ABCB5: variants seen among roughly 807,000 people sequenced by gnomAD.
The protein encoded by ABCB5 is ATP-binding cassette sub-family B member 5.
A neutral mutation model predicts 144.2 loss-of-function variants in ABCB5; 155 were observed. The observed-to-expected ratio is 1.08, with a 90% CI of 0.94 to 1.23. The LOEUF (loss-of-function observed/expected upper bound fraction) is 1.23, where lower values mean the gene tolerates loss of function less well. ABCB5 is among the 50% of genes most tolerant of loss of function. ABCB5 has a pLI of 0.00. For missense variants in ABCB5, 1,830 were observed against 1,520.8 expected, an observed-to-expected ratio of 1.20 and a Z score of -3.38; for synonymous variants, 610 against 528.6, an observed-to-expected ratio of 1.15 and a Z score of -2.11.
intron 5 of ABCB5, among the ~76,000 whole-genome samples, chr7:20,642,522 A>T (rs77414882): frequency 0.057 from 8,606 of 151,692 alleles, 342 homozygotes; most frequent in South Asian, 0.14. Flanking sequence ...TCCTAGAAAA[A>T]CCTATTTTTT....
chr7:20,624,589 G>C (rs1336878822), intron 2 of ABCB5, among the ~76,000 whole-genome samples: 2 of 152,168 alleles, frequency 1.3e-5, no homozygotes, highest in African/African-American at 2.4e-5. Flanking sequence ...GGGTTGGATG[G>C]GCCCTGAAAA....
chr7:20,653,016 AAATC>A (rs1422959874), intron 13 of ABCB5, among the ~76,000 whole-genome samples: 1 of 152,200 alleles, frequency 6.6e-6, no homozygotes, highest in Non-Finnish European at 1.5e-5. Context: ...TAGGCCAAAA[AAATC>A]ATTAAAGATT....
chr7:20,687,154 G>A (rs182801817), intron 16 of ABCB5, among the ~76,000 whole-genome samples: 57 of 152,294 alleles, frequency 3.7e-4, no homozygotes, highest in Non-Finnish European at 5.6e-4. Flanking sequence ...AGGCAAGAGT[G>A]GAGGAAACAC....
chr7:20,635,086 G>T (rs896188930), intron 5 of ABCB5, among the ~76,000 whole-genome samples: 1 of 152,020 alleles, frequency 6.6e-6, no homozygotes, highest in Non-Finnish European at 1.5e-5. Context: ...TGTATATGGT[G>T]AGAGATAAGG....
At position 20,642,802 on chromosome 7, in the gene ABCB5, T is replaced by A. The variant is rs537089426; in HGVS notation, c.315-382T>A. On this transcript the variant is annotated intron_variant, in intron 5 of 27. Coordinates refer to ENST00000404938, the MANE Select transcript of ABCB5 (RefSeq NM_001163941.2). ...CTTAAGTTGAATTTGGGGCTGACTA[T>A]GTATAGTTTTTAAGCTTTTTATCAA... Among the ~76,000 whole-genome samples the A allele has an allele frequency of 4.6e-5, 7 of 152,346 alleles. 1 individual carries two copies. The highest frequency in any genetic ancestry group is 4.1e-4 in the South Asian group (2 of 4,822).
intron 16 of ABCB5, among the ~76,000 whole-genome samples, chr7:20,690,999 A>G (rs1258011999): frequency 6.6e-6 from 1 of 152,048 alleles, no homozygotes; most frequent in Admixed American, 6.6e-5. Context: ...GAAACTGAAC[A>G]AAATATGTGA....
At chr7:20,704,299 C>A (rs1222316201) in intron 19 of ABCB5, among the ~76,000 whole-genome samples, 1 of 151,868 alleles carries the variant, frequency 6.6e-6, no homozygotes. Context: ...CTGGTCTCGA[C>A]CCCCTAGACT....
chr7:20,633,930 A>G (rs1201751458), intron 5 of ABCB5, among the ~76,000 whole-genome samples: 1 of 152,058 alleles, frequency 6.6e-6, no homozygotes, highest in African/African-American at 2.4e-5. Flanking sequence ...GATATATTGC[A>G]TAGTGGTGAA....
intron 20 of ABCB5, among the ~76,000 whole-genome samples, chr7:20,721,535 T>TCTTCC (rs1781868648): frequency 6.6e-6 from 1 of 152,224 alleles, no homozygotes; most frequent in Admixed American, 6.5e-5. Context: ...TTTTAGTGTG[T>TCTTCC]CTTCCCTTCT....
chr7:20,737,627 T>G (rs9638774), intron 23 of ABCB5, among the ~76,000 whole-genome samples: 117,181 of 152,084 alleles, frequency 0.77, 45,578 homozygotes, highest in African/African-American at 0.88. Flanking sequence ...CTCTACCCCT[T>G]TGGGACTAGA....
chr7:20,684,041 G>A (rs111993577), intron 15 of ABCB5, among the ~76,000 whole-genome samples: 100 of 152,098 alleles, frequency 6.6e-4, no homozygotes, highest in African/African-American at 2.2e-3. Flanking sequence ...AGAGGGAAAT[G>A]GTAATAACCT....
chr7:20,660,374 G>C lies in ABCB5; in HGVS notation c.1707+1698G>C, dbSNP rs1167039115. ...TTTTCAGTTGTTTAAAGGAGAAAGA[G>C]ATTAAATCAATGTAGAAATAGGTGT... On this transcript the variant is annotated intron_variant, in intron 14 of 27. Transcript: ENST00000404938. The C allele has an allele frequency of 4.1e-6, 4 of 985,566 alleles. No homozygotes were observed. The East Asian group carries it at 3.3e-4, about 83-fold the overall frequency. 61.1% of individuals were successfully genotyped at this position (985,566 alleles called of 1,614,324 possible). A position where few individuals can be genotyped will look rare whatever the true frequency, so the allele number is the denominator to read the frequency against.
intron 23 of ABCB5, among the ~76,000 whole-genome samples, chr7:20,738,345 T>C (rs1396714672): frequency 6.6e-6 from 1 of 152,258 alleles, no homozygotes; most frequent in Non-Finnish European, 1.5e-5. Context: ...AAACATCATT[T>C]GCACACTTAC....
intron 5 of ABCB5, among the ~76,000 whole-genome samples, chr7:20,639,848 A>G (rs11761598): frequency 0.056 from 8,585 of 152,208 alleles, 337 homozygotes; most frequent in South Asian, 0.14. Flanking sequence ...CTACATTTCT[A>G]TATGTATTTT....
chr7:20,722,934 T>C (rs777256047), intron 20 of ABCB5, 82 bp from the exon 21 acceptor site: 1 of 1,239,408 alleles, frequency 8.1e-7, no homozygotes, highest in South Asian at 1.3e-5. Flanking sequence ...AAGTCTACCT[T>C]GTTTTGCAAG....
chr7:20,735,368 A>G (rs1782350798), intron 23 of ABCB5, among the ~76,000 whole-genome samples: 1 of 152,244 alleles, frequency 6.6e-6, no homozygotes. Flanking sequence ...ATACCTTAAC[A>G]TAATAAAGGA....
chr7:20,638,147 A>G (rs981329380), intron 5 of ABCB5, among the ~76,000 whole-genome samples: 1 of 152,170 alleles, frequency 6.6e-6, no homozygotes, highest in Non-Finnish European at 1.5e-5. Flanking sequence ...CTATAAAATT[A>G]TTTAAATTAT....
intron 13 of ABCB5, among the ~76,000 whole-genome samples, chr7:20,652,338 T>G (rs1029533394): frequency 9.2e-5 from 14 of 152,102 alleles, no homozygotes; most frequent in African/African-American, 3.4e-4. Flanking sequence ...GAGGCCGAGG[T>G]GGGCAGATCA....
rs750922677 is a variant in ABCB5, at chr7:20,650,063, A to G, written c.1248A>G (p.Thr416=). The G allele has an allele frequency of 6.4e-5, 103 of 1,613,428 alleles. No individual in the cohort carries two copies. Among genetic ancestry groups the G allele is most frequent in the Non-Finnish European group, 8.4e-5 (99 of 1,179,630 alleles). The change falls in exon 12 of 28, where the codon ACA becomes ACG. Residue 416 remains threonine, a synonymous_variant. Coordinates refer to ENST00000404938, the MANE Select transcript of ABCB5 (RefSeq NM_001163941.2). ...ATCTCAGAATTAAGTCTGGAGAGAC[A>G]GTCGCCTTGGTCGGTCTCAATGGCA... is the stretch of plus-strand genomic sequence containing the variant. The part of the protein sequence containing the change: ...GLNLRIKSGE[T]VALVGLNGSG...
Sources: gnomAD v4.1 joint callset for allele counts (sites outside exome capture counted in the v4.1 genomes callset) on GRCh38, gnomAD v4.1.1 for gene constraint, MANE v1.5 for transcripts, NCBI Gene and HGNC (gene_info 2026-07-23, HGNC 2026-07-21) for gene names.